Variants in PLEKHA7 observed in about 807,000 individuals in gnomAD.
PLEKHA7 encodes the protein pleckstrin homology domain containing A7, also known as pleckstrin homology domain-containing family A member 7.
Under a neutral mutation model 170.0 loss-of-function variants are expected in PLEKHA7, and 104 were observed. That is an observed-to-expected ratio of 0.61 (90% CI 0.52 to 0.72). PLEKHA7 has a LOEUF of 0.72. Among genes scored for constraint, PLEKHA7 ranks in the 30% least tolerant of loss-of-function variants. The probability of loss-of-function intolerance (pLI) is 0.00; values close to 1 mark genes in which losing one functional copy is unlikely to be tolerated. For missense variants in PLEKHA7, 1,615 were observed against 1,671.7 expected, an observed-to-expected ratio of 0.97 and a Z score of 0.59; for synonymous variants, 648 against 660.8, an observed-to-expected ratio of 0.98 and a Z score of 0.30.
chr11:16,868,399 C>T (rs559754202), intron 4 of PLEKHA7, among the ~76,000 whole-genome samples: 1 of 152,142 alleles, frequency 6.6e-6, no homozygotes, highest in Non-Finnish European at 1.5e-5. Flanking sequence ...GAGGGGCATG[C>T]ACACATTATT....
chr11:16,788,427 T>TGAATTAGGGAAAGAACAATCA (rs1289509779), intron 23 of PLEKHA7: 9 of 152,624 alleles, frequency 5.9e-5, no homozygotes, highest in African/African-American at 2.2e-4. Context: ...GCTTGTGCAA[T>TGAATTAGGGAAAGAACAATCA]GAATTAGGGA....
At chr11:16,982,844 G>GAA (rs1863522680) in intron 3 of PLEKHA7, among the ~76,000 whole-genome samples, 1 of 151,816 alleles carries the variant, frequency 6.6e-6, no homozygotes, top group East Asian at 1.9e-4. Flanking sequence ...GAGAGAGAGA[G>GAA]AGAGAAACTC....
At chr11:16,843,811 C>T (rs1852166183) in intron 8 of PLEKHA7, among the ~76,000 whole-genome samples, 1 of 152,126 alleles carries the variant, frequency 6.6e-6, no homozygotes, top group Admixed American at 6.5e-5. Context: ...GTGGCACATG[C>T]CTGTAATCTC....
At chr11:16,962,395 T>G (rs1423803921) in intron 3 of PLEKHA7, among the ~76,000 whole-genome samples, 1 of 152,216 alleles carries the variant, frequency 6.6e-6, no homozygotes, top group Non-Finnish European at 1.5e-5. Context: ...ATCTCCACTG[T>G]GCAACACTCA....
intron 9 of PLEKHA7, among the ~76,000 whole-genome samples, chr11:16,834,726 G>A (rs1851374095): frequency 6.6e-6 from 1 of 152,178 alleles, no homozygotes; most frequent in Non-Finnish European, 1.5e-5. Flanking sequence ...AGAAAAGGCA[G>A]TATTATGGCG....
At chr11:16,783,868 C>T (rs1451817258) in intron 24 of PLEKHA7, 35 bp from the exon 25 acceptor site, 1 of 1,395,110 alleles carries the variant, frequency 7.2e-7, no homozygotes, top group East Asian at 2.9e-5. Context: ...GAGGGAGAGG[C>T]TCAGATGTCT....
At chr11:16,845,468 G>A (rs1214971509) in intron 8 of PLEKHA7, among the ~76,000 whole-genome samples, 1 of 152,170 alleles carries the variant, frequency 6.6e-6, no homozygotes, top group Non-Finnish European at 1.5e-5. Flanking sequence ...CCTGGTTCGA[G>A]CAATCCTCCC....
intron 4 of PLEKHA7, among the ~76,000 whole-genome samples, chr11:16,863,355 G>A (rs1281339675): frequency 1.3e-5 from 2 of 152,154 alleles, no homozygotes; most frequent in South Asian, 2.1e-4. Flanking sequence ...GAAAACTGAA[G>A]GCTGCTCAGA....
At chr11:16,931,632 C>T (rs578167417) in intron 3 of PLEKHA7, among the ~76,000 whole-genome samples, 18 of 151,890 alleles carry the variant, frequency 1.2e-4, no homozygotes, top group Admixed American at 4.6e-4. Flanking sequence ...GGCATGGTGG[C>T]GCGCCTGTAA....
chr11:16,831,028 T>C (rs1000589810), intron 9 of PLEKHA7, among the ~76,000 whole-genome samples: 1 of 152,234 alleles, frequency 6.6e-6, no homozygotes, highest in Admixed American at 6.5e-5. Context: ...CCAGCATTTA[T>C]TGCAAAACAA....
At chr11:16,907,257 G>T (rs1426192562) in intron 3 of PLEKHA7, among the ~76,000 whole-genome samples, 1 of 143,512 alleles carries the variant, frequency 7.0e-6, no homozygotes, top group South Asian at 2.3e-4. Flanking sequence ...CGGGAAGGAT[G>T]TGGGGGGGTC....
intron 3 of PLEKHA7, among the ~76,000 whole-genome samples, chr11:16,968,383 T>C (rs764211747): frequency 6.6e-6 from 1 of 152,190 alleles, no homozygotes; most frequent in Non-Finnish European, 1.5e-5. Context: ...GCTCAACTCA[T>C]GGGCAAGCCA....
At chr11:16,795,861 T>C (rs1848193864) in intron 17 of PLEKHA7, among the ~76,000 whole-genome samples, 1 of 142,358 alleles carries the variant, frequency 7.0e-6, no homozygotes, top group Admixed American at 7.0e-5. Flanking sequence ...CTTTTTTTTT[T>C]TTTTTTTTTT....
At chr11:17,002,846 A>C (rs1159034766) in intron 3 of PLEKHA7, among the ~76,000 whole-genome samples, 1 of 152,042 alleles carries the variant, frequency 6.6e-6, no homozygotes, top group Non-Finnish European at 1.5e-5. Context: ...ACCCACTGTT[A>C]ATATTTTGTC....
intron 3 of PLEKHA7, among the ~76,000 whole-genome samples, chr11:16,895,203 T>C (rs1856924656): frequency 6.6e-6 from 1 of 152,112 alleles, no homozygotes. Flanking sequence ...GGGGCCTCCA[T>C]CCTCTGAAAA....
At chr11:16,822,846 T>C (rs1053650709) in intron 10 of PLEKHA7, among the ~76,000 whole-genome samples, 4 of 152,114 alleles carry the variant, frequency 2.6e-5, no homozygotes, top group East Asian at 3.9e-4. Context: ...CCCAGACCAA[T>C]GGAGTCAGAT....
At position 16,952,498 on chromosome 11, in the gene PLEKHA7, G is replaced by C. The variant is rs868056037; in HGVS notation, c.221+61491C>G. 2.0e-5 allele frequency among the ~76,000 whole-genome samples: 3 copies of C among 151,966 alleles called. No individual in the cohort carries two copies. In the South Asian group the frequency reaches 6.2e-4, roughly 32 times the overall value. ...GAAAGAGAAATCAATTTCAGTCACT[G>C]TTCTGTCAGAGTTTCTATCATTTGC... On this transcript the variant is annotated intron_variant, in intron 3 of 26. Transcript: ENST00000531066.
chr11:16,937,750 A>G (rs1172838084), intron 3 of PLEKHA7, among the ~76,000 whole-genome samples: 1 of 152,068 alleles, frequency 6.6e-6, no homozygotes, highest in African/African-American at 2.4e-5. Flanking sequence ...CTGGGATTAC[A>G]GGCATGCACC....
chr11:16,795,294 C>T (rs1848143353), intron 17 of PLEKHA7: 5 of 410,966 alleles, frequency 1.2e-5, no homozygotes, highest in South Asian at 5.9e-5. Flanking sequence ...TGTGCCATTC[C>T]GCTAAAATAC....
Sources: allele counts gnomAD v4.1 joint callset (sites outside exome capture counted in the v4.1 genomes callset), GRCh38; gene constraint gnomAD v4.1.1; transcripts MANE v1.5; gene names NCBI Gene and HGNC (gene_info 2026-07-23, HGNC 2026-07-21).